Variants in BRIP1 observed in about 807,000 individuals in gnomAD.
The protein encoded by BRIP1 is Fanconi anemia group J protein.
Under a neutral mutation model 119.7 loss-of-function variants are expected in BRIP1, and 88 were observed. That is an observed-to-expected ratio of 0.74 (90% CI 0.62 to 0.88). The LOEUF is 0.88. Ranked by LOEUF, BRIP1 falls within the 40% of genes least tolerant of loss-of-function variation. BRIP1 has a pLI of 0.00. For synonymous variants in BRIP1, 443 were observed against 496.5 expected (o/e 0.89, Z 1.43); for missense variants, 1,259 against 1,455.4 (o/e 0.87, Z 2.20).
intron 6 of BRIP1, among the ~76,000 whole-genome samples, chr17:61,820,033 A>T (rs941276347): frequency 6.6e-6 from 1 of 151,734 alleles, no homozygotes; most frequent in African/African-American, 2.4e-5. Flanking sequence ...CAAAATTAAA[A>T]ATTAAAAAAA....
intron 6 of BRIP1, among the ~76,000 whole-genome samples, chr17:61,820,248 G>A (rs959653438): frequency 1.8e-4 from 28 of 152,098 alleles, no homozygotes; most frequent in Admixed American, 9.2e-4. Flanking sequence ...GGCAGATTAG[G>A]TACACACATT....
rs1272373991 is a variant in BRIP1 at position 61,724,777 on chromosome 17, A to G, written c.2380-8714T>C. ...AAATAATCAGCTAAACTACATAATT[A>G]TAAAAATATTAAGAAAACTCTGCTT... On this transcript the variant is annotated intron_variant, in intron 16 of 19. Transcript: ENST00000259008. The surrounding 1 kb of genome is among the most constrained non-coding windows in gnomAD (Gnocchi z 5.1). Among the ~76,000 whole-genome samples, 1 of 152,206 alleles carries G rather than the reference A, an allele frequency of 6.6e-6. No individual in the cohort carries two copies. The highest frequency in any genetic ancestry group is 1.5e-5 in the Non-Finnish European group (1 of 68,006).
chr17:61,698,802 C>T (rs1257754621), intron 17 of BRIP1, among the ~76,000 whole-genome samples: 1 of 151,900 alleles, frequency 6.6e-6, no homozygotes, highest in Non-Finnish European at 1.5e-5. Flanking sequence ...GCAGCCTCAA[C>T]TTCCTGGGCT....
intron 5 of BRIP1, 100 bp from the exon 6 acceptor site, chr17:61,847,320 A>G (rs567854046): frequency 6.0e-6 from 8 of 1,340,148 alleles, no homozygotes; most frequent in Non-Finnish European, 8.4e-6. Context: ...TTTTTCCTGC[A>G]TCCAAAAAAA....
chr17:61,835,857 C>T (rs2078564265), intron 6 of BRIP1, among the ~76,000 whole-genome samples: 2 of 152,028 alleles, frequency 1.3e-5, no homozygotes, highest in African/African-American at 4.8e-5. Flanking sequence ...TAGAGCCTGA[C>T]CTCATACATG....
At position 61,822,858 on chromosome 17, in the gene BRIP1, T is replaced by C. The variant is rs1173076666; in HGVS notation, c.628-14101A>G. ...GGTTCCAAATGACAACGAAGTCCCA[T>C]GTGTAGTGGTGCTGTTGAATTAATG... On this transcript the variant is annotated intron_variant, in intron 6 of 19. Transcript: ENST00000259008. The surrounding 1 kb of genome is among the most constrained non-coding windows in gnomAD (Gnocchi z 4.4). 6.6e-6 allele frequency among the ~76,000 whole-genome samples: 1 copy of C among 152,092 alleles called. No individual in the cohort carries two copies. The highest frequency in any genetic ancestry group is 1.9e-4 in the East Asian group (1 of 5,194).
rs1029770197 is a variant in BRIP1, at chr17:61,860,025, C to T, written c.94-118G>A. ...TGAGATTGCACTCCAGGGAACACAA[C>T]AATAGCAGAAGGAACTCATATTTAG... On this transcript the variant is annotated intron_variant, in intron 2 of 19. Transcript: ENST00000259008. This position sits in a 1 kb window ranked among gnomAD's most constrained non-coding sequence, Gnocchi z 4.1. 4.2e-6 allele frequency: 3 copies of T among 713,232 alleles called. No individual in the cohort carries two copies. The highest frequency in any genetic ancestry group is 7.5e-6 in the Non-Finnish European group (3 of 398,972). The allele number at this position is 713,232 out of a possible 1,614,324, so 44.2% of individuals were successfully genotyped here.
chr17:61,715,821 C>T (rs2061850349), intron 17 of BRIP1, 130 bp downstream of exon 17: 5 of 556,966 alleles, frequency 9.0e-6, no homozygotes, highest in Admixed American at 6.6e-5. Context: ...TCATTGAATA[C>T]ATACCAGTTC....
intron 13 of BRIP1, among the ~76,000 whole-genome samples, chr17:61,779,103 G>A (rs916604564): frequency 1.1e-4 from 16 of 152,202 alleles, no homozygotes; most frequent in South Asian, 6.2e-4. Flanking sequence ...AGTAGCCATC[G>A]TTATAAAACA....
At position 61,738,972 on chromosome 17, in the gene BRIP1, A is replaced by G. The variant is rs950056196; in HGVS notation, c.2379+4041T>C. The stretch of plus-strand genomic sequence containing the variant: ...TATTTAGTACAACCTAGTATTAGCC[A>G]TAAAGTTTTTCTTCTTTTCCAGGTC... On this transcript the variant is annotated intron_variant, in intron 16 of 19. Coordinates refer to ENST00000259008, the MANE Select transcript of BRIP1 (RefSeq NM_032043.3). This position sits in a 1 kb window ranked among gnomAD's most constrained non-coding sequence, Gnocchi z 4.2. 6.4e-6 allele frequency: 1 copy of G among 156,160 alleles called. No homozygotes were observed. Among genetic ancestry groups the G allele is most frequent in the Non-Finnish European group, 1.4e-5 (1 of 70,458 alleles). 9.7% of individuals were successfully genotyped at this position (156,160 alleles called of 1,614,324 possible).
intron 11 of BRIP1, among the ~76,000 whole-genome samples, chr17:61,782,167 C>G (rs767286968): frequency 1.9e-4 from 29 of 151,848 alleles, no homozygotes; most frequent in Non-Finnish European, 2.2e-4. Context: ...GGGCGGATCA[C>G]GAGGTCAGGA....
chr17:61,756,901 C>A lies in BRIP1; in HGVS notation c.2098-12310G>T, dbSNP rs2077207923. ...TATTGCCATTTACTCACTTTAATAG[C>A]CAGTACTCAAGTCTTAATGCTTTTA... On this transcript the variant is annotated intron_variant, in intron 14 of 19. Coordinates refer to ENST00000259008, the MANE Select transcript of BRIP1 (RefSeq NM_032043.3). This position sits in a 1 kb window ranked among gnomAD's most constrained non-coding sequence, Gnocchi z 4.3. 6.6e-6 allele frequency among the ~76,000 whole-genome samples: 1 copy of A among 152,182 alleles called. No individual in the cohort carries two copies. The highest frequency in any genetic ancestry group is 2.1e-4 in the South Asian group (1 of 4,832).
chr17:61,685,950 G>T lies in BRIP1; in HGVS notation c.2791C>A (p.Pro931Thr), dbSNP rs745940032. The change falls in exon 19 of 20, where the codon CCA (proline) becomes ACA (threonine). Residue 931 changes from proline (P) to threonine (T), a missense_variant. Around this residue, in one of 3 missense-constraint regions of BRIP1, gnomAD observed 753 missense variants for 891.8 expected, o/e 0.84. Coordinates refer to ENST00000259008, the MANE Select transcript of BRIP1 (RefSeq NM_032043.3). ...YLLEAASHLS[P>T]ENFVEDEAKI... ...GCTTCATCTTCCACAAAATTTTCTG[G>T]TGATAGATGACTTGCTGCTTCCAGT... is the stretch of plus-strand genomic sequence containing the variant. 1 of 1,613,980 alleles carries T rather than the reference G, an allele frequency of 6.2e-7. No individual in the cohort carries two copies. Among genetic ancestry groups the T allele is most frequent in the Middle Eastern group, 1.7e-4 (1 of 6,058 alleles).
At position 61,723,059 on chromosome 17, in the gene BRIP1, T is replaced by G. The variant is rs546867948; in HGVS notation, c.2380-6996A>C. Among the ~76,000 whole-genome samples the G allele has an allele frequency of 2.0e-5, 3 of 152,292 alleles. No homozygotes were observed. The South Asian group carries it at 6.2e-4, about 32-fold the overall frequency. The stretch of plus-strand genomic sequence containing the variant: ...TTAATCAATAATAAAAATTACTTTG[T>G]GAGATCACAGTTAATTGGAAAAAGC... On this transcript the variant is annotated intron_variant, in intron 16 of 19. Coordinates refer to ENST00000259008, the MANE Select transcript of BRIP1 (RefSeq NM_032043.3).
chr17:61,751,957 C>CG lies in BRIP1; in HGVS notation c.2098-7367dup, dbSNP rs1448868042. ...CTAATTTTTGTATTTTTAGTAGAGA[C>CG]GGGGTTTCACCATATTGGTCAGGCT... On this transcript the variant is annotated intron_variant, in intron 14 of 19. Coordinates refer to ENST00000259008, the MANE Select transcript of BRIP1 (RefSeq NM_032043.3). The surrounding 1 kb of genome is among the most constrained non-coding windows in gnomAD (Gnocchi z 6.7). Among the ~76,000 whole-genome samples, 1 of 151,882 alleles carries CG rather than the reference C, an allele frequency of 6.6e-6. No homozygotes were observed. Among genetic ancestry groups the CG allele is most frequent in the Non-Finnish European group, 1.5e-5 (1 of 67,976 alleles).
At chr17:61,714,740 G>GAA (rs2061832317) in intron 17 of BRIP1, among the ~76,000 whole-genome samples, 1 of 151,650 alleles carries the variant, frequency 6.6e-6, no homozygotes, top group African/African-American at 2.4e-5. Flanking sequence ...TGTTTAGTTG[G>GAA]TGTTAATTCT....
chr17:61,831,996 A>G lies in BRIP1; in HGVS notation c.627+15105T>C, dbSNP rs1454625745. Among the ~76,000 whole-genome samples, 3 of 152,230 alleles carry G rather than the reference A, an allele frequency of 2.0e-5. No homozygotes were observed. The highest frequency in any genetic ancestry group is 4.4e-5 in the Non-Finnish European group (3 of 68,040). On this transcript the variant is annotated intron_variant, in intron 6 of 19. Coordinates refer to ENST00000259008, the MANE Select transcript of BRIP1 (RefSeq NM_032043.3). This position sits in a 1 kb window ranked among gnomAD's most constrained non-coding sequence, Gnocchi z 4.1. ...GGTTTGTGTACACAATACATTGTGT[A>G]TATTCTCTAGCTGTCTGCTGAAAGG...
chr17:61,858,836 C>G (rs547914442), intron 3 of BRIP1, among the ~76,000 whole-genome samples: 19 of 151,864 alleles, frequency 1.3e-4, no homozygotes, highest in Non-Finnish European at 2.1e-4. Flanking sequence ...TATTATATTT[C>G]TGATTCATTA....
Position 61,683,141 on chromosome 17 carries a change from A to C in BRIP1, c.*155T>G. ...CCAAGACTCTGTCTCAAAAAAAAAA[A>C]CCCAAAAACTCAAGAATAATAACAT... is the stretch of plus-strand genomic sequence containing the variant. On this transcript the variant is annotated 3_prime_UTR_variant, in exon 20 of 20. Transcript: ENST00000259008. The surrounding 1 kb of genome is among the most constrained non-coding windows in gnomAD (Gnocchi z 4.7). 1.1e-5 allele frequency: 11 copies of C among 978,036 alleles called. No homozygotes were observed. Among genetic ancestry groups the C allele is most frequent in the South Asian group, 5.2e-5 (3 of 57,940 alleles). 60.6% of individuals were successfully genotyped at this position (978,036 alleles called of 1,614,324 possible).
Sources: gnomAD v4.1 joint callset for allele counts (sites outside exome capture counted in the v4.1 genomes callset) on GRCh38, gnomAD v4.1.1 for gene constraint, gnomAD v4.1.1 regional missense constraint, Gnocchi (gnomAD v3.1) non-coding constraint, MANE v1.5 for transcripts, NCBI Gene and HGNC (gene_info 2026-07-23, HGNC 2026-07-21) for gene names.